The following TBC1D16 variants were observed in gnomAD, a reference collection of about 807,000 sequenced individuals.
TBC1D16 encodes the protein TBC1 domain family member 16.
Under a neutral mutation model 74.7 loss-of-function variants are expected in TBC1D16, and 58 were observed. The ratio of observed to expected loss-of-function variants is 0.78; its 90% CI spans 0.63 to 0.97. TBC1D16 has a LOEUF of 0.97. Ranked by LOEUF, TBC1D16 falls within the 50% of genes least tolerant of loss-of-function variation. The pLI is 0.00. For synonymous variants in TBC1D16, 493 were observed against 474.7 expected (o/e 1.04, Z -0.50); for missense variants, 1,014 against 1,079.5 (o/e 0.94, Z 0.85).
At position 79,948,891 on chromosome 17, in the gene TBC1D16, G is replaced by C; in HGVS notation, c.1522C>G (p.Pro508Ala). 1 of 1,614,142 alleles carries C rather than the reference G, an allele frequency of 6.2e-7. No individual in the cohort carries two copies. The highest frequency in any genetic ancestry group is 8.5e-7 in the Non-Finnish European group (1 of 1,180,010). Residue 508 changes from proline to alanine, a missense_variant, in exon 8 of 12, where the codon CCC becomes GCC. By Grantham distance (27) the Pro-to-Ala change is conservative (BLOSUM62 -1). Coordinates refer to ENST00000310924, the MANE Select transcript of TBC1D16 (RefSeq NM_019020.4). Reference protein sequence around the residue: ...NNQFFRGEDNPNVESMRRILL... With the variant: ...NNQFFRGEDNANVESMRRILL... Reference sequence around the variant, plus strand: ...GAGTACCTCATGCTCTCCACATTGGGATTGTCTTCCCCCCGGAAGAACTGG... The same window carrying C: ...GAGTACCTCATGCTCTCCACATTGGCATTGTCTTCCCCCCGGAAGAACTGG...
At chr17:79,945,777 C>A (rs1227657283) in intron 9 of TBC1D16, among the ~76,000 whole-genome samples, 1 of 152,262 alleles carries the variant, frequency 6.6e-6, no homozygotes, top group Non-Finnish European at 1.5e-5. Flanking sequence ...AATGTGGACA[C>A]CCGACGTCAC....
At position 79,944,072 on chromosome 17, in the gene TBC1D16, G is replaced by A. The variant is rs1016802544; in HGVS notation, c.1908+836C>T. 7.8e-6 allele frequency: 12 copies of A among 1,536,066 alleles called. No individual in the cohort carries two copies. In the South Asian group the frequency reaches 1.2e-4, roughly 15 times the overall value. ...AGGCGGCGTGTGGTACCGGCACTCGGTGGCTTCAGACTCGCTTTCATCAGA... is the reference window on the plus strand; with the variant it reads ...AGGCGGCGTGTGGTACCGGCACTCGATGGCTTCAGACTCGCTTTCATCAGA... On this transcript the variant is annotated intron_variant, in intron 10 of 11. Transcript: ENST00000310924. The surrounding 1 kb of genome is among the most constrained non-coding windows in gnomAD (Gnocchi z 7.7).
chr17:80,023,613 C>A (rs2143172331), intron 1 of TBC1D16, among the ~76,000 whole-genome samples: 1 of 149,854 alleles, frequency 6.7e-6, no homozygotes, highest in Non-Finnish European at 1.5e-5. Flanking sequence ...CCCTTCCAGG[C>A]ATTCCTCACC....
At chr17:79,943,653 A>C (rs1383600151) in intron 10 of TBC1D16, among the ~76,000 whole-genome samples, 1 of 150,582 alleles carries the variant, frequency 6.6e-6, no homozygotes, top group African/African-American at 2.4e-5. Flanking sequence ...AAAACAACAG[A>C]AACTTGCTTT....
chr17:79,940,835 C>A lies in TBC1D16; in HGVS notation c.*24G>T. On this transcript the variant is annotated 3_prime_UTR_variant, in exon 12 of 12. Transcript: ENST00000310924. The surrounding 1 kb of genome is among the most constrained non-coding windows in gnomAD (Gnocchi z 5.4). The stretch of plus-strand genomic sequence containing the variant: ...GGCCTCTGAGGAGGTCCCCTCAACC[C>A]CTGTCCGGTGTCGGGGGCCCGACCT... 6.6e-7 allele frequency: 1 copy of A among 1,515,980 alleles called. No homozygotes were observed. Among genetic ancestry groups the A allele is most frequent in the Non-Finnish European group, 8.9e-7 (1 of 1,124,724 alleles). 93.9% of individuals were successfully genotyped at this position (1,515,980 alleles called of 1,614,324 possible). A position where few individuals can be genotyped will look rare whatever the true frequency, so the allele number is the denominator to read the frequency against.
chr17:80,024,506 T>C (rs1196406511), intron 1 of TBC1D16, among the ~76,000 whole-genome samples: 1 of 118,904 alleles, frequency 8.4e-6, no homozygotes, highest in Non-Finnish European at 1.6e-5. Flanking sequence ...ACACGCACCA[T>C]AGACAAACCA....
At chr17:79,960,779 C>CAAAAAAAAAAAAAACA (rs2033560750) in intron 3 of TBC1D16, among the ~76,000 whole-genome samples, 1 of 33,948 alleles carries the variant, frequency 2.9e-5, no homozygotes, top group East Asian at 1.1e-3. Context: ...AACAAAAACC[C>CAAAAAAAAAAAAAACA]AAAAAAAAAA....
Position 80,008,841 on chromosome 17 carries a change from G to A in TBC1D16, c.779+1319C>T, listed in dbSNP as rs546027259. ...GAGGGATAAAATCAGGGAAGAACCC[G>A]TCCCACAGTCACCCCTGCTGAGGCC... On this transcript the variant is annotated intron_variant, in intron 3 of 11. Coordinates refer to ENST00000310924, the MANE Select transcript of TBC1D16 (RefSeq NM_019020.4). This position sits in a 1 kb window ranked among gnomAD's most constrained non-coding sequence, Gnocchi z 4.5. 1.3e-5 allele frequency among the ~76,000 whole-genome samples: 2 copies of A among 152,312 alleles called. No homozygotes were observed. Among genetic ancestry groups the A allele is most frequent in the African/African-American group, 2.4e-5 (1 of 41,562 alleles).
chr17:79,940,603 T>G lies in TBC1D16; in HGVS notation c.*256A>C. ...CAGGAGAGCCCAGCCAGCCTGCGTC[T>G]CAGGTGCGGTGGCTGCGCGTTCCAC... is the stretch of plus-strand genomic sequence containing the variant. On this transcript the variant is annotated 3_prime_UTR_variant, in exon 12 of 12. Coordinates refer to ENST00000310924, the MANE Select transcript of TBC1D16 (RefSeq NM_019020.4). This position sits in a 1 kb window ranked among gnomAD's most constrained non-coding sequence, Gnocchi z 5.4. 1 of 366,422 alleles carries G rather than the reference T, an allele frequency of 2.7e-6. No homozygotes were observed. Among genetic ancestry groups the G allele is most frequent in the Non-Finnish European group, 4.8e-6 (1 of 207,368 alleles). 22.7% of individuals were successfully genotyped at this position (366,422 alleles called of 1,614,324 possible). A position where few individuals can be genotyped will look rare whatever the true frequency, so the allele number is the denominator to read the frequency against.
chr17:80,001,161 G>A lies in TBC1D16; in HGVS notation c.779+8999C>T, dbSNP rs559153827. 1.3e-5 allele frequency among the ~76,000 whole-genome samples: 2 copies of A among 152,326 alleles called. No individual in the cohort carries two copies. The highest frequency in any genetic ancestry group is 1.3e-4 in the Admixed American group (2 of 15,302). Reference sequence around the variant, plus strand: ...GCCACATGCCAGTTCATGGGGCTCTGACCAGCCAGCTGCCCTTCCCGTAAC... The same window carrying A: ...GCCACATGCCAGTTCATGGGGCTCTAACCAGCCAGCTGCCCTTCCCGTAAC... On this transcript the variant is annotated intron_variant, in intron 3 of 11. Transcript: ENST00000310924. The surrounding 1 kb of genome is among the most constrained non-coding windows in gnomAD (Gnocchi z 5.8).
At chr17:79,946,423 C>T (rs1254112586) in intron 9 of TBC1D16, among the ~76,000 whole-genome samples, 1 of 152,220 alleles carries the variant, frequency 6.6e-6, no homozygotes, top group Admixed American at 6.5e-5. Flanking sequence ...CACCGCTCAC[C>T]TCCTGCGGTG....
rs756004592 is a variant in TBC1D16, at chr17:80,010,362, G to GCGGACTGAC, written c.568_576dup (p.Val190_Pro192dup). ...TCCCGCCCCTCCTCGGTGACATCCT[G>GCGGACTGAC]CGGACTGACCGTCGACAAGATCCCG... On this transcript the variant is annotated inframe_insertion, in exon 3 of 12. Transcript: ENST00000310924. The surrounding 1 kb of genome is among the most constrained non-coding windows in gnomAD (Gnocchi z 8.8). 167 of 1,612,144 alleles carry GCGGACTGAC rather than the reference G, an allele frequency of 1.0e-4. No individual in the cohort carries two copies. Among genetic ancestry groups the GCGGACTGAC allele is most frequent in the Non-Finnish European group, 1.3e-4 (159 of 1,179,354 alleles).
intron 1 of TBC1D16, among the ~76,000 whole-genome samples, chr17:80,020,384 G>GT (rs2036244977): frequency 6.7e-6 from 1 of 149,442 alleles, no homozygotes; most frequent in South Asian, 2.1e-4. Context: ...AGGAGTTCAA[G>GT]ACCAGCCTGG....
intron 3 of TBC1D16, chr17:79,992,896 CAA>C (rs1304143491): frequency 1.3e-5 from 2 of 152,276 alleles, no homozygotes; most frequent in African/African-American, 2.4e-5. Context: ...CAAAATGTAA[CAA>C]GAGGCATTTG....
chr17:79,972,141 T>C (rs914707061), intron 3 of TBC1D16, among the ~76,000 whole-genome samples: 2 of 152,162 alleles, frequency 1.3e-5, no homozygotes, highest in African/African-American at 4.8e-5. Context: ...CTGCATGCAA[T>C]GGCAGGTTAT....
chr17:80,032,069 T>G (rs1461605900), intron 1 of TBC1D16, among the ~76,000 whole-genome samples: 1 of 152,206 alleles, frequency 6.6e-6, no homozygotes, highest in African/African-American at 2.4e-5. Flanking sequence ...TCCAGAAGGC[T>G]AGAGTAATGA....
At chr17:80,017,311 G>A (rs2036122967) in intron 1 of TBC1D16, among the ~76,000 whole-genome samples, 1 of 152,150 alleles carries the variant, frequency 6.6e-6, no homozygotes, top group Non-Finnish European at 1.5e-5. Context: ...TTTACTGACA[G>A]ACACTCAAGC....
intron 3 of TBC1D16, among the ~76,000 whole-genome samples, chr17:80,004,295 A>G (rs1312142920): frequency 1.3e-5 from 2 of 152,198 alleles, no homozygotes; most frequent in Admixed American, 1.3e-4. Flanking sequence ...GTTTAACTGC[A>G]ACGGGCAGAA....
intron 3 of TBC1D16, among the ~76,000 whole-genome samples, chr17:79,976,948 G>A (rs2034355774): frequency 6.6e-6 from 1 of 152,210 alleles, no homozygotes; most frequent in South Asian, 2.1e-4. Flanking sequence ...GAAGGCTACA[G>A]GGAACACGGG....
Sources: gnomAD v4.1 joint callset for allele counts (sites outside exome capture counted in the v4.1 genomes callset) on GRCh38, gnomAD v4.1.1 for gene constraint, Gnocchi (gnomAD v3.1) non-coding constraint, MANE v1.5 for transcripts, NCBI Gene and HGNC (gene_info 2026-07-23, HGNC 2026-07-21) for gene names.